The following RBFOX1 variants were observed in gnomAD, a reference collection of about 807,000 sequenced individuals.
RBFOX1 encodes RNA binding fox-1 homolog 1, also known as RNA binding protein fox-1 homolog 1.
RBFOX1 carries 8 observed loss-of-function variants against 57.7 expected under a neutral mutation model. The observed-to-expected ratio is 0.14, with a 90% confidence interval of 0.08 to 0.25. The LOEUF is 0.25. Among genes scored for constraint, RBFOX1 ranks in the 10% least tolerant of loss-of-function variants. The pLI is 1.00. For missense variants in RBFOX1, 611 were observed against 548.5 expected, an observed-to-expected ratio of 1.11 and a Z score of -1.14; for synonymous variants, 326 against 222.4, an observed-to-expected ratio of 1.47 and a Z score of -4.15.
chr16:5,726,227 C>G (rs188298384), intron 3 of RBFOX1, among the ~76,000 whole-genome samples: 1 of 151,918 alleles, frequency 6.6e-6, no homozygotes, highest in South Asian at 2.1e-4. Flanking sequence ...CAGATGCCTC[C>G]CCGAAATGCA....
chr16:5,268,332 A>T (rs550579153), intron 1 of RBFOX1, among the ~76,000 whole-genome samples: 1 of 152,196 alleles, frequency 6.6e-6, no homozygotes, highest in Non-Finnish European at 1.5e-5. Flanking sequence ...CGTTTGAGAG[A>T]TTCCTCAGCA....
intron 4 of RBFOX1, among the ~76,000 whole-genome samples, chr16:7,382,662 G>A (rs1460185894): frequency 6.6e-6 from 1 of 152,196 alleles, no homozygotes; most frequent in East Asian, 1.9e-4. Flanking sequence ...TAAAATCTGT[G>A]TCCATCCTGG....
At chr16:5,629,835 G>A (rs1166740320) in intron 3 of RBFOX1, among the ~76,000 whole-genome samples, 1 of 152,188 alleles carries the variant, frequency 6.6e-6, no homozygotes, top group East Asian at 1.9e-4. Context: ...CATTAGCACT[G>A]GAGTGAAATT....
chr16:7,609,780 A>C (rs1371148822), intron 10 of RBFOX1, among the ~76,000 whole-genome samples: 1 of 151,800 alleles, frequency 6.6e-6, no homozygotes, highest in African/African-American at 2.4e-5. Flanking sequence ...CGTGTTCTTT[A>C]CAACCAGTTG....
chr16:5,612,546 GT>G (rs917469772), intron 3 of RBFOX1, among the ~76,000 whole-genome samples: 2 of 152,254 alleles, frequency 1.3e-5, no homozygotes, highest in African/African-American at 4.8e-5. Flanking sequence ...TCTGAGAAAG[GT>G]TTTTATAATA....
chr16:5,293,283 G>A (rs965081134), intron 1 of RBFOX1, among the ~76,000 whole-genome samples: 1 of 152,232 alleles, frequency 6.6e-6, no homozygotes, highest in East Asian at 1.9e-4. Flanking sequence ...ACCCCATGAA[G>A]CATATTAGCT....
intron 9 of RBFOX1, 131 bp from the exon 10 acceptor site, chr16:7,607,154 C>T (rs2095313362): frequency 1.4e-6 from 1 of 734,730 alleles, no homozygotes; most frequent in Non-Finnish European, 2.1e-6. Context: ...TATGCATGCC[C>T]AAACGACACC....
chr16:7,291,171 G>A (rs1031253513), intron 4 of RBFOX1, among the ~76,000 whole-genome samples: 5 of 152,168 alleles, frequency 3.3e-5, no homozygotes, highest in African/African-American at 1.2e-4. Flanking sequence ...AGAAGTACCA[G>A]TTACGTTGCA....
At chr16:6,549,844 G>A (rs2096959132) in intron 2 of RBFOX1, among the ~76,000 whole-genome samples, 1 of 152,034 alleles carries the variant, frequency 6.6e-6, no homozygotes, top group African/African-American at 2.4e-5. Flanking sequence ...AAAACAAAAG[G>A]AAACACAAGC....
At chr16:5,943,665 C>A (rs1287246291) in intron 4 of RBFOX1, among the ~76,000 whole-genome samples, 1 of 152,154 alleles carries the variant, frequency 6.6e-6, no homozygotes, top group East Asian at 1.9e-4. Context: ...AATGAGGTAT[C>A]CCCAGAAATC....
chr16:6,185,380 T>G (rs1381023411), intron 1 of RBFOX1, among the ~76,000 whole-genome samples: 2 of 152,214 alleles, frequency 1.3e-5, no homozygotes, highest in Non-Finnish European at 2.9e-5. Flanking sequence ...TTATCCTGTT[T>G]CAAGGCGTTC....
At position 6,134,433 on chromosome 16, in the gene RBFOX1, A is replaced by C. The variant is rs572848478; in HGVS notation, c.-127+114441A>C. Among the ~76,000 whole-genome samples, 5 of 152,274 alleles carry C rather than the reference A, an allele frequency of 3.3e-5. No individual in the cohort carries two copies. In the South Asian group the frequency reaches 1.0e-3, roughly 32 times the overall value. ...TCCACTCAACAAATAATCTTGTGTA[A>C]ATGAATGTCTTGTTAGGGGTATTGT... On this transcript the variant is annotated intron_variant, in intron 1 of 15. Coordinates refer to ENST00000550418, the MANE Select transcript of RBFOX1 (RefSeq NM_018723.4).
intron 4 of RBFOX1, among the ~76,000 whole-genome samples, chr16:7,066,247 C>T (rs1484806620): frequency 6.6e-6 from 1 of 152,112 alleles, no homozygotes; most frequent in Admixed American, 6.6e-5. Context: ...GGAATTGAAC[C>T]CAGGTCTATA....
At chr16:7,342,578 A>G (rs1202770634) in intron 4 of RBFOX1, among the ~76,000 whole-genome samples, 2 of 152,062 alleles carry the variant, frequency 1.3e-5, no homozygotes, top group Non-Finnish European at 2.9e-5. Flanking sequence ...CTAGGTTGGG[A>G]AAGGAGAATG....
chr16:5,407,011 C>T (rs950766319), intron 1 of RBFOX1, among the ~76,000 whole-genome samples: 1 of 152,174 alleles, frequency 6.6e-6, no homozygotes, highest in East Asian at 1.9e-4. Context: ...AGATACTACC[C>T]TAGACTGGGT....
chr16:6,578,598 C>CATGTGTGTGTGTGTGT (rs368816590), intron 2 of RBFOX1, among the ~76,000 whole-genome samples: 1 of 110,666 alleles, frequency 9.0e-6, no homozygotes, highest in Non-Finnish European at 2.1e-5. Flanking sequence ...GGTGTGTGTG[C>CATGTGTGTGTGTGTGT]GTGTGTGTGT....
At chr16:5,313,656 G>C (rs1445649412) in intron 1 of RBFOX1, among the ~76,000 whole-genome samples, 1 of 152,056 alleles carries the variant, frequency 6.6e-6, no homozygotes, top group Non-Finnish European at 1.5e-5. Flanking sequence ...CATGGATGGC[G>C]GCAGACAAAG....
intron 1 of RBFOX1, among the ~76,000 whole-genome samples, chr16:5,405,299 C>G (rs1014914552): frequency 2.0e-5 from 3 of 152,124 alleles, no homozygotes; most frequent in African/African-American, 7.2e-5. Context: ...ATGGAAAGGA[C>G]CTGGTGGGAA....
chr16:5,493,327 C>T (rs2042895738), intron 2 of RBFOX1, among the ~76,000 whole-genome samples: 1 of 152,192 alleles, frequency 6.6e-6, no homozygotes, highest in Non-Finnish European at 1.5e-5. Flanking sequence ...CCACCTTGGC[C>T]TCCCAAAGTC....
Sources: gnomAD v4.1 joint callset for allele counts (sites outside exome capture counted in the v4.1 genomes callset) on GRCh38, gnomAD v4.1.1 for gene constraint, MANE v1.5 for transcripts, NCBI Gene and HGNC (gene_info 2026-07-23, HGNC 2026-07-21) for gene names.